The following KALRN variants were observed in gnomAD, a reference collection of about 807,000 sequenced individuals.
KALRN encodes the protein kalirin.
In KALRN, 70 loss-of-function variants were observed where a neutral mutation model predicts 353.7. The ratio of observed to expected loss-of-function variants is 0.20; its 90% CI spans 0.16 to 0.24. KALRN has a LOEUF of 0.24. KALRN is among the 10% of genes least tolerant of loss of function. The pLI, the probability that KALRN is intolerant of heterozygous loss-of-function variation, is 1.00. For missense variants in KALRN, 2,791 were observed against 3,756.7 expected, an observed-to-expected ratio of 0.74 and a Z score of 6.72; for synonymous variants, 1,391 against 1,434.8, an observed-to-expected ratio of 0.97 and a Z score of 0.69.
At chr3:124,194,567 A>T (rs1232357045) in intron 1 of KALRN, among the ~76,000 whole-genome samples, 1 of 152,236 alleles carries the variant, frequency 6.6e-6, no homozygotes, top group African/African-American at 2.4e-5. Context: ...GAGGATGGAA[A>T]TGAATAACTT....
intron 5 of KALRN, among the ~76,000 whole-genome samples, chr3:124,290,301 T>C (rs2076314613): frequency 1.3e-5 from 2 of 152,124 alleles, no homozygotes; most frequent in Admixed American, 6.5e-5. Context: ...CAGAAAGGAC[T>C]GCATCTGATT....
At chr3:124,338,263 G>A (rs2081336218) in intron 9 of KALRN, among the ~76,000 whole-genome samples, 1 of 152,112 alleles carries the variant, frequency 6.6e-6, no homozygotes, top group African/African-American at 2.4e-5. Context: ...GCTTTCTCCT[G>A]TGGGCATTTA....
chr3:124,377,923 C>T (rs2086810239), intron 10 of KALRN, among the ~76,000 whole-genome samples: 1 of 151,964 alleles, frequency 6.6e-6, no homozygotes, highest in Non-Finnish European at 1.5e-5. Flanking sequence ...TTACTCTTAC[C>T]CTACTTGTGT....
At chr3:124,134,138 AG>A (rs2065641141) in intron 1 of KALRN, among the ~76,000 whole-genome samples, 2 of 152,220 alleles carry the variant, frequency 1.3e-5, no homozygotes, top group African/African-American at 2.4e-5. Context: ...CTATACTATA[AG>A]GCTATAGTCA....
chr3:124,165,972 C>T (rs1207350873), intron 1 of KALRN, among the ~76,000 whole-genome samples: 3 of 152,068 alleles, frequency 2.0e-5, no homozygotes, highest in African/African-American at 4.8e-5. Flanking sequence ...CCATGCTTGT[C>T]CTCATCTCAG....
At chr3:124,129,072 G>A (rs371802143) in intron 1 of KALRN, among the ~76,000 whole-genome samples, 5 of 152,042 alleles carry the variant, frequency 3.3e-5, no homozygotes, top group South Asian at 2.1e-4. Flanking sequence ...GTAAAACTGC[G>A]TACAGCCGTA....
intron 34 of KALRN, among the ~76,000 whole-genome samples, chr3:124,602,410 G>C (rs1378007333): frequency 6.6e-6 from 1 of 152,214 alleles, no homozygotes; most frequent in Non-Finnish European, 1.5e-5. Flanking sequence ...TGTGAAATCT[G>C]GGGTGCTCCC....
Position 124,398,728 on chromosome 3 carries a change from C to A in KALRN, c.2203C>A (p.His735Asn), listed in dbSNP as rs748821534. Residue 735 changes from histidine (H) to asparagine (N), a missense_variant, in exon 13 of 60, where the codon CAC becomes AAC. His to Asn is a moderately conservative substitution (Grantham distance 68). Around this residue, in one of 11 missense-constraint regions of KALRN, gnomAD observed 452 missense variants for 575.8 expected, o/e 0.78. Transcript: ENST00000682506. Reference sequence around the variant, plus strand: ...GGCTGTGTCCAACAACAAAACACCCCACAGCAGCTCCATCAGCCACATCGA... The same window carrying A: ...GGCTGTGTCCAACAACAAAACACCCAACAGCAGCTCCATCAGCCACATCGA... Reference protein sequence around the residue: ...DSAVSNNKTPHSSSISHIESV... With the variant: ...DSAVSNNKTPNSSSISHIESV... The A allele has an allele frequency of 2.5e-6, 4 of 1,614,180 alleles. No homozygotes were observed. The East Asian group carries it at 8.9e-5, about 36-fold the overall frequency.
chr3:124,352,339 C>T (rs1186865469), intron 10 of KALRN, among the ~76,000 whole-genome samples: 2 of 152,208 alleles, frequency 1.3e-5, no homozygotes, highest in South Asian at 2.1e-4. Context: ...ATGAGGTAGG[C>T]GAGTATTCAA....
chr3:124,709,520 C>A (rs1162427199), intron 57 of KALRN, among the ~76,000 whole-genome samples: 1 of 152,164 alleles, frequency 6.6e-6, no homozygotes, highest in Non-Finnish European at 1.5e-5. Flanking sequence ...TCAAGTGATG[C>A]ACCCACCTTG....
intron 1 of KALRN, among the ~76,000 whole-genome samples, chr3:124,091,873 T>C (rs756815679): frequency 6.6e-6 from 1 of 152,248 alleles, no homozygotes; most frequent in Non-Finnish European, 1.5e-5. Flanking sequence ...CCTTTCTAAT[T>C]GCACTGCAGT....
chr3:124,623,118 T>C (rs2149707267), intron 34 of KALRN, among the ~76,000 whole-genome samples: 1 of 152,094 alleles, frequency 6.6e-6, no homozygotes, highest in African/African-American at 2.4e-5. Flanking sequence ...TCTTTCTTCC[T>C]TTCTTTTTTG....
At position 124,082,462 on chromosome 3, in the gene KALRN, GGTGGTGCCA is replaced by G. The variant is rs1423389614; in HGVS notation, c.73+48652_73+48660del. The G allele has an allele frequency of 7.2e-5, 26 of 359,574 alleles. No homozygotes were observed. The East Asian group carries it at 1.9e-3, about 26-fold the overall frequency. The allele number at this position is 359,574 out of a possible 1,614,324, so 22.3% of individuals were successfully genotyped here. ...GGCTTTATTTGGGGGGTGAGGTGGTGGTGGTGCCAGTTCTGCTTCAGAAAATTAGAAGAA... is the reference window on the plus strand; with the variant it reads ...GGCTTTATTTGGGGGGTGAGGTGGTGGTTCTGCTTCAGAAAATTAGAAGAA... On this transcript the variant is annotated intron_variant, in intron 1 of 59. Coordinates refer to ENST00000682506, the MANE Select transcript of KALRN (RefSeq NM_001388419.1).
intron 27 of KALRN, among the ~76,000 whole-genome samples, chr3:124,479,741 T>C (rs867972948): frequency 0.011 from 754 of 68,096 alleles, 3 homozygotes; most frequent in Admixed American, 0.016. Flanking sequence ...TTTTTTTTTT[T>C]GAGACGGAGT....
At chr3:124,257,987 GA>G (rs546485957) in intron 3 of KALRN, among the ~76,000 whole-genome samples, 3 of 131,546 alleles carry the variant, frequency 2.3e-5, no homozygotes, top group South Asian at 2.5e-4. Context: ...TCACCTAAAG[GA>G]AAAAAAGCAG....
At chr3:124,695,514 G>T (rs567974023) in intron 53 of KALRN, among the ~76,000 whole-genome samples, 1 of 152,168 alleles carries the variant, frequency 6.6e-6, no homozygotes, top group African/African-American at 2.4e-5. Flanking sequence ...CATGAAAAGC[G>T]CCAGGGGATA....
At chr3:124,537,824 C>A (rs1302263520) in intron 33 of KALRN, among the ~76,000 whole-genome samples, 1 of 152,058 alleles carries the variant, frequency 6.6e-6, no homozygotes, top group Non-Finnish European at 1.5e-5. Context: ...GTTCTCTGGG[C>A]AGTAGAGGAA....
In KALRN at chr3:124,398,874, A is replaced by G; in HGVS notation, c.2346+3A>G. Reference sequence around the variant, plus strand: ...TCTTTGAGCAGTACACCATCGAGGTAGCAGGGGGCCAGGAGGGGAGGTGGA... The same window carrying G: ...TCTTTGAGCAGTACACCATCGAGGTGGCAGGGGGCCAGGAGGGGAGGTGGA... On this transcript the variant is annotated splice_donor_region_variant and intron_variant, in intron 13 of 59. Transcript: ENST00000682506. The G allele has an allele frequency of 6.3e-7, 1 of 1,599,372 alleles. No individual in the cohort carries two copies. Among genetic ancestry groups the G allele is most frequent in the Non-Finnish European group, 8.5e-7 (1 of 1,171,806 alleles).
At chr3:124,296,610 CCACCAG>C (rs980121409) in intron 5 of KALRN, among the ~76,000 whole-genome samples, 14 of 152,206 alleles carry the variant, frequency 9.2e-5, no homozygotes, top group Non-Finnish European at 1.6e-4. Context: ...TTAAAACCTC[CCACCAG>C]CACCTGGCAG....
Sources: allele counts gnomAD v4.1 joint callset (sites outside exome capture counted in the v4.1 genomes callset), GRCh38; gene constraint gnomAD v4.1.1; regional missense constraint gnomAD v4.1.1; transcripts MANE v1.5; gene names NCBI Gene and HGNC (gene_info 2026-07-23, HGNC 2026-07-21).